Variants in PM20D1 observed in about 807,000 individuals in gnomAD.
The protein encoded by PM20D1 is peptidase M20 domain containing 1.
PM20D1 carries 53 observed loss-of-function variants against 53.8 expected under a neutral mutation model. The ratio of observed to expected loss-of-function variants is 0.98; its 90% CI spans 0.79 to 1.24. PM20D1 has a LOEUF of 1.24. PM20D1 is among the 50% of genes most tolerant of loss of function. The pLI is 0.00. For missense variants in PM20D1, 564 were observed against 616.8 expected (o/e 0.91, Z 0.91); for synonymous variants, 239 against 241.3 (o/e 0.99, Z 0.09).
intron 10 of PM20D1, among the ~76,000 whole-genome samples, chr1:205,836,039 C>T (rs919888008): frequency 6.6e-6 from 1 of 152,008 alleles, no homozygotes; most frequent in Non-Finnish European, 1.5e-5. Context: ...CCATGCCCAG[C>T]TAATTTTTGT....
chr1:205,842,705 C>T lies in PM20D1; in HGVS notation c.874G>A (p.Val292Met), dbSNP rs1333009540. Reference protein sequence around the residue: ...MPIIFGSGTVVTVLQQLANEF... With the variant: ...MPIIFGSGTVMTVLQQLANEF... ...TTTGCCAGTTGCTGCAATACAGTCA[C>T]CACTGTCCCGCTTCCAAATATGATA... Residue 292 changes from valine to methionine, a missense_variant, in exon 7 of 13, where the codon GTG becomes ATG. By Grantham distance (21) the Val-to-Met change is conservative (BLOSUM62 1). Transcript: ENST00000367136. The T allele has an allele frequency of 2.5e-6, 4 of 1,614,088 alleles. No homozygotes were observed. Among genetic ancestry groups the T allele is most frequent in the Admixed American group, 1.7e-5 (1 of 60,022 alleles).
intron 2 of PM20D1, among the ~76,000 whole-genome samples, chr1:205,847,002 CTTTCTTTTTTTTT>C (rs1657003678): frequency 1.5e-5 from 1 of 65,206 alleles, no homozygotes; most frequent in Admixed American, 1.9e-4. Context: ...TCCTTCCTTC[CTTTCTTTTTTTTT>C]TTTTTTTTTT....
chr1:205,850,057 C>T lies in PM20D1; in HGVS notation c.16G>A (p.Val6Ile), dbSNP rs1484485947. Residue 6 changes from valine (V) to isoleucine (I), a missense_variant, in exon 1 of 13, where the codon GTT (valine) becomes ATT (isoleucine). By Grantham distance (29) the Val-to-Ile change is conservative. Transcript: ENST00000367136. Reference protein sequence around the residue: MAQRCVCVLALVAMLL... With the variant: MAQRCICVLALVAMLL... ...ATAGCCACCAGGGCCAGCACGCAAA[C>T]GCACCGCTGAGCCATGCTTCTCTCG... The T allele has an allele frequency of 1.9e-6, 3 of 1,613,762 alleles. No individual in the cohort carries two copies. The South Asian group carries it at 3.3e-5, about 18-fold the overall frequency.
rs745341358 is a variant in PM20D1 at position 205,828,760 on chromosome 1, G to A, written c.1386-17C>T. On this transcript the variant is annotated splice_polypyrimidine_tract_variant and intron_variant, in intron 12 of 12. Coordinates refer to ENST00000367136, the MANE Select transcript of PM20D1 (RefSeq NM_152491.5). ...CCATGGATGCTGAGGAAAGTAAGGT[G>A]CATTTAGGGAAGGAGGGGAGGGCCA... 6.2e-7 allele frequency: 1 copy of A among 1,613,406 alleles called. No homozygotes were observed. Among genetic ancestry groups the A allele is most frequent in the East Asian group, 2.2e-5 (1 of 44,878 alleles).
intron 12 of PM20D1, 67 bp downstream of exon 12, chr1:205,830,213 G>A: frequency 8.2e-7 from 1 of 1,214,542 alleles, no homozygotes; most frequent in Admixed American, 1.8e-5. Flanking sequence ...AGGAGCATGG[G>A]GTAGGAAAAG....
intron 11 of PM20D1, among the ~76,000 whole-genome samples, chr1:205,832,071 A>T (rs1393896978): frequency 6.6e-6 from 1 of 152,082 alleles, no homozygotes; most frequent in African/African-American, 2.4e-5. Context: ...CCACTCTTAG[A>T]TTGGAGAACC....
intron 10 of PM20D1, among the ~76,000 whole-genome samples, chr1:205,834,400 G>A (rs1294499597): frequency 8.6e-5 from 13 of 151,974 alleles, no homozygotes; most frequent in African/African-American, 3.1e-4. Context: ...CAGGTGATCT[G>A]TCTGCCTTGC....
In PM20D1 at chr1:205,842,722, A is replaced by T; in HGVS notation, c.857T>A (p.Phe286Tyr). 6.2e-7 allele frequency: 1 copy of T among 1,614,124 alleles called. No individual in the cohort carries two copies. The highest frequency in any genetic ancestry group is 1.1e-5 in the South Asian group (1 of 91,090). The change falls in exon 7 of 13, where the codon TTT becomes TAT. Residue 286 changes from phenylalanine to tyrosine, a missense_variant. Transcript: ENST00000367136. ...RLEQTPMPII[F>Y]GSGTVVTVLQ... ...TACAGTCACCACTGTCCCGCTTCCA[A>T]ATATGATAGGCATTGGTGTCTGCTC...
Position 205,843,941 on chromosome 1 carries a change from G to A in PM20D1, c.707+146C>T. 3.4e-6 allele frequency: 5 copies of A among 1,466,296 alleles called. No individual in the cohort carries two copies. In the South Asian group the frequency reaches 5.4e-5, roughly 16 times the overall value. The allele number at this position is 1,466,296 out of a possible 1,614,324, so 90.8% of individuals were successfully genotyped here. ...TACTGGAGGAAGAATGGAAGGGGAA[G>A]CCTAGGAGAGGTTAAAGATTGGGGC... On this transcript the variant is annotated intron_variant, in intron 5 of 12. Coordinates refer to ENST00000367136, the MANE Select transcript of PM20D1 (RefSeq NM_152491.5).
rs769908664 is a variant in PM20D1, at chr1:205,845,458, G to C, written c.356C>G (p.Pro119Arg). The C allele has an allele frequency of 6.8e-6, 11 of 1,614,054 alleles. No homozygotes were observed. Among genetic ancestry groups the C allele is most frequent in the Admixed American group, 1.7e-5 (1 of 59,998 alleles). The change falls in exon 3 of 13, where the codon CCC becomes CGC. Residue 119 changes from proline to arginine, a missense_variant. By Grantham distance (103) the Pro-to-Arg change is moderately radical (BLOSUM62 -2). Coordinates refer to ENST00000367136, the MANE Select transcript of PM20D1 (RefSeq NM_152491.5). ...TIQGSDPSLQ[P>R]YLLMAHFDVV... ...ATCAAAGTGAGCCATCAGCAGGTAG[G>C]GCTGCAAGCTGGGGTCCGAGCCTTG...
Position 205,842,738 on chromosome 1 carries a change from G to GT in PM20D1, c.840dup (p.Pro281ThrfsTer21), listed in dbSNP as rs1656842952. The GT allele has an allele frequency of 6.2e-7, 1 of 1,613,892 alleles. No individual in the cohort carries two copies. The highest frequency in any genetic ancestry group is 1.7e-5 in the Admixed American group (1 of 60,010). ...CCGCTTCCAAATATGATAGGCATTGGTGTCTGCTCCAATCTGGAAGAGAAA... is the reference window on the plus strand; with the variant it reads ...CCGCTTCCAAATATGATAGGCATTGGTTGTCTGCTCCAATCTGGAAGAGAAA... On this transcript the variant is annotated frameshift_variant, in exon 7 of 13. Transcript: ENST00000367136. LOFTEE classifies it high-confidence loss of function.
chr1:205,832,589 A>G lies in PM20D1; in HGVS notation c.1285+9T>C. 1.2e-6 allele frequency: 2 copies of G among 1,613,986 alleles called. No individual in the cohort carries two copies. The highest frequency in any genetic ancestry group is 1.7e-6 in the Non-Finnish European group (2 of 1,179,870). The stretch of plus-strand genomic sequence containing the variant: ...TCCTCCCTCCAGCCACAGCTGATGA[A>G]GTCATTACCTGGGGCAGTAATATTG... On this transcript the variant is annotated intron_variant, in intron 11 of 12. Coordinates refer to ENST00000367136, the MANE Select transcript of PM20D1 (RefSeq NM_152491.5).
rs1656929557 is a variant in PM20D1 at position 205,845,394 on chromosome 1, T to C, written c.420A>G (p.Pro140=). 8 of 1,614,108 alleles carry C rather than the reference T, an allele frequency of 5.0e-6. No individual in the cohort carries two copies. The highest frequency in any genetic ancestry group is 6.8e-6 in the Non-Finnish European group (8 of 1,180,022). The change falls in exon 3 of 13, where the codon CCA becomes CCG. Residue 140 remains proline, a synonymous_variant. Coordinates refer to ENST00000367136, the MANE Select transcript of PM20D1 (RefSeq NM_152491.5). The part of the protein sequence containing the change: ...PAPEEGWEVP[P]FSGLERDGII... Reference sequence around the variant, plus strand: ...TGCCATCACGCTCCAACCCAGAGAATGGGGGCACCTCCCAGCCTTCTTCAG... The same window carrying C: ...TGCCATCACGCTCCAACCCAGAGAACGGGGGCACCTCCCAGCCTTCTTCAG...
At chr1:205,828,824 T>C in intron 12 of PM20D1, 81 bp from the exon 13 acceptor site, 11 of 1,550,678 alleles carry the variant, frequency 7.1e-6, no homozygotes, top group Non-Finnish European at 9.6e-6. Context: ...GCACTTCCCT[T>C]ACTTCCCTCA....
rs1041009517 is a variant in PM20D1, at chr1:205,828,402, A to G, written c.*218T>C. The G allele has an allele frequency of 1.9e-5, 10 of 540,360 alleles. No homozygotes were observed. In the Middle Eastern group the frequency reaches 2.7e-3, roughly 145 times the overall value. The allele number at this position is 540,360 out of a possible 1,614,324, so 33.5% of individuals were successfully genotyped here. On this transcript the variant is annotated 3_prime_UTR_variant, in exon 13 of 13. Coordinates refer to ENST00000367136, the MANE Select transcript of PM20D1 (RefSeq NM_152491.5). Reference sequence around the variant, plus strand: ...ACAAGAGGGCAGCAAATGCCAGTGGATCAAGGGATGCAGATGTCGGGAGGA... The same window carrying G: ...ACAAGAGGGCAGCAAATGCCAGTGGGTCAAGGGATGCAGATGTCGGGAGGA...
intron 2 of PM20D1, among the ~76,000 whole-genome samples, chr1:205,845,785 CAA>C (rs1656943231): frequency 6.6e-6 from 1 of 152,178 alleles, no homozygotes. Flanking sequence ...AAATGCAAAT[CAA>C]GAGCCACCAT....
chr1:205,834,248 T>C (rs914811346), intron 10 of PM20D1, among the ~76,000 whole-genome samples: 9 of 147,314 alleles, frequency 6.1e-5, no homozygotes, highest in Non-Finnish European at 1.2e-4. Flanking sequence ...CTCTGCCTCC[T>C]GGATTCAAGC....
intron 4 of PM20D1, 100 bp downstream of exon 4, chr1:205,844,711 T>C (rs1656905633): frequency 2.8e-6 from 3 of 1,062,254 alleles, no homozygotes; most frequent in Non-Finnish European, 4.2e-6. Context: ...TACCGTATCA[T>C]GGAGACCTTG....
In PM20D1 at chr1:205,828,701, C is replaced by T. The variant is rs1656494407; in HGVS notation, c.1428G>A (p.Glu476=). The change falls in exon 13 of 13, where the codon GAG becomes GAA. Residue 476 remains glutamate, a synonymous_variant. Coordinates refer to ENST00000367136, the MANE Select transcript of PM20D1 (RefSeq NM_152491.5). The part of the protein sequence containing the change: ...VNEKISVQAY[E]TQVKFIFELI... ...ACTCAAAGATGAATTTCACTTGGGT[C>T]TCATAGGCTTGGACTGAGATTTTCT... is the stretch of plus-strand genomic sequence containing the variant. The T allele has an allele frequency of 6.2e-7, 1 of 1,614,022 alleles. No individual in the cohort carries two copies. Among genetic ancestry groups the T allele is most frequent in the African/African-American group, 1.3e-5 (1 of 74,918 alleles).
Sources: allele counts gnomAD v4.1 joint callset (sites outside exome capture counted in the v4.1 genomes callset), GRCh38; gene constraint gnomAD v4.1.1; transcripts MANE v1.5; gene names NCBI Gene and HGNC (gene_info 2026-07-23, HGNC 2026-07-21).